COL22A1: variants seen among roughly 807,000 people sequenced by gnomAD.
COL22A1 encodes collagen alpha-1(XXII) chain.
Under a neutral mutation model 248.9 loss-of-function variants are expected in COL22A1, and 221 were observed. The ratio of observed to expected loss-of-function variants is 0.89; its 90% confidence interval spans 0.80 to 0.99. COL22A1 has a LOEUF of 0.99. Ranked by LOEUF, COL22A1 falls within the 50% of genes least tolerant of loss-of-function variation. COL22A1 has a pLI of 0.00. For synonymous variants in COL22A1, 891 were observed against 793.4 expected, an observed-to-expected ratio of 1.12 and a Z score of -2.07; for missense variants, 2,240 against 2,179.0, an observed-to-expected ratio of 1.03 and a Z score of -0.56.
At chr8:138,813,384 T>C (rs1818405902) in intron 7 of COL22A1, among the ~76,000 whole-genome samples, 1 of 152,226 alleles carries the variant, frequency 6.6e-6, no homozygotes, top group South Asian at 2.1e-4. Flanking sequence ...CTGATGGTTT[T>C]ATAAGGGGTT....
At chr8:138,606,339 TG>T in intron 58 of COL22A1, 41 bp downstream of exon 58, 1 of 1,570,180 alleles carries the variant, frequency 6.4e-7, no homozygotes, top group Non-Finnish European at 8.7e-7. Flanking sequence ...CATCACTACC[TG>T]GAGCCAGGTA....
At chr8:138,645,119 C>T (rs1822085084) in intron 47 of COL22A1, among the ~76,000 whole-genome samples, 2 of 152,184 alleles carry the variant, frequency 1.3e-5, no homozygotes, top group Non-Finnish European at 2.9e-5. Flanking sequence ...TTTGATTTTG[C>T]CCATCCTCAA....
rs372881240 is a variant in COL22A1 at position 138,863,263 on chromosome 8, T to C, written c.658+14487A>G. ...CTTGGACATGCCTCAGCCCAGGCCC[T>C]GTTGCCCATCTAGGGACAGCATAGC... On this transcript the variant is annotated intron_variant, in intron 3 of 64. Transcript: ENST00000303045. Among the ~76,000 whole-genome samples, 9 of 152,336 alleles carry C rather than the reference T, an allele frequency of 5.9e-5. No homozygotes were observed. In the East Asian group the frequency reaches 1.7e-3, roughly 29 times the overall value.
At chr8:138,900,140 G>A (rs1814434789) in intron 1 of COL22A1, among the ~76,000 whole-genome samples, 1 of 152,198 alleles carries the variant, frequency 6.6e-6, no homozygotes. Context: ...CCCAGAAGGG[G>A]TAGAATAGGG....
chr8:138,589,171 C>A lies in COL22A1; in HGVS notation c.*82G>T, dbSNP rs1024604292. On this transcript the variant is annotated 3_prime_UTR_variant, in exon 65 of 65. Coordinates refer to ENST00000303045, the MANE Select transcript of COL22A1 (RefSeq NM_152888.3). ...AAAAAAAGGAACACATGGCTGAAGT[C>A]TTTCAAGACCTCTGGCTTCCCACTG... 3.0e-6 allele frequency: 4 copies of A among 1,328,430 alleles called. No homozygotes were observed. The African/African-American group carries it at 6.0e-5, about 20-fold the overall frequency. 82.3% of individuals were successfully genotyped at this position (1,328,430 alleles called of 1,614,324 possible). A position where few individuals can be genotyped will look rare whatever the true frequency, so the allele number is the denominator to read the frequency against.
At chr8:138,626,110 G>A (rs1262475514) in intron 51 of COL22A1, 80 bp downstream of exon 51, 1 of 1,106,554 alleles carries the variant, frequency 9.0e-7, no homozygotes, top group African/African-American at 1.6e-5. Flanking sequence ...TTTTGACAGT[G>A]GAATATATTT....
At position 138,826,486 on chromosome 8, in the gene COL22A1, G is replaced by C. The variant is rs562450544; in HGVS notation, c.969+172C>G. 6.6e-5 allele frequency among the ~76,000 whole-genome samples: 10 copies of C among 152,232 alleles called. No homozygotes were observed. In the East Asian group the frequency reaches 1.5e-3, roughly 24 times the overall value. ...ATTAGGACAAGAAGCTAGACCTCTT[G>C]GGTCTCATGACATCCCCCCTGCAGG... is the stretch of plus-strand genomic sequence containing the variant. On this transcript the variant is annotated intron_variant, in intron 6 of 64. Coordinates refer to ENST00000303045, the MANE Select transcript of COL22A1 (RefSeq NM_152888.3).
chr8:138,844,378 T>C (rs1294483119), intron 3 of COL22A1, among the ~76,000 whole-genome samples: 1 of 152,240 alleles, frequency 6.6e-6, no homozygotes, highest in Admixed American at 6.5e-5. Flanking sequence ...TGTTCTGTAC[T>C]GGGGTGAAAT....
chr8:138,654,051 A>C (rs761975611), intron 45 of COL22A1, among the ~76,000 whole-genome samples: 1 of 152,120 alleles, frequency 6.6e-6, no homozygotes, highest in Non-Finnish European at 1.5e-5. Context: ...TATTGATTTG[A>C]CTAAATATCT....
intron 3 of COL22A1, among the ~76,000 whole-genome samples, chr8:138,864,392 C>G (rs1037827763): frequency 4.0e-5 from 6 of 151,522 alleles, no homozygotes; most frequent in Non-Finnish European, 8.8e-5. Context: ...CAAGACCAAG[C>G]AGGAGTTACG....
intron 15 of COL22A1, among the ~76,000 whole-genome samples, chr8:138,777,262 G>A (rs1035350218): frequency 6.6e-6 from 1 of 152,176 alleles, no homozygotes; most frequent in Non-Finnish European, 1.5e-5. Flanking sequence ...GAGAGTACAG[G>A]GCCAAGGCCA....
In COL22A1 at chr8:138,724,599, G is replaced by A; in HGVS notation, c.2247+16C>T. On this transcript the variant is annotated intron_variant, in intron 25 of 64. Coordinates refer to ENST00000303045, the MANE Select transcript of COL22A1 (RefSeq NM_152888.3). The stretch of plus-strand genomic sequence containing the variant: ...AGAGGGAGGAGGGGAGCAGGAAGAT[G>A]TTTCCGAACACTCACCGTGGGCCCA... The A allele has an allele frequency of 1.2e-6, 2 of 1,613,400 alleles. No individual in the cohort carries two copies. Among genetic ancestry groups the A allele is most frequent in the African/African-American group, 1.3e-5 (1 of 75,042 alleles).
intron 56 of COL22A1, among the ~76,000 whole-genome samples, chr8:138,609,256 C>T (rs913119894): frequency 2.6e-5 from 4 of 152,212 alleles, no homozygotes; most frequent in Non-Finnish European, 5.9e-5. Flanking sequence ...AAGCCACCTG[C>T]CTGCGAGGCA....
intron 37 of COL22A1, among the ~76,000 whole-genome samples, chr8:138,685,666 G>A (rs950047743): frequency 3.9e-5 from 6 of 152,084 alleles, no homozygotes; most frequent in African/African-American, 7.2e-5. Context: ...GAGGCAAGAG[G>A]ACACAAATAC....
At chr8:138,661,929 G>T (rs770112634) in intron 43 of COL22A1, 101 bp downstream of exon 43, 7 of 777,422 alleles carry the variant, frequency 9.0e-6, no homozygotes, top group Non-Finnish European at 1.4e-5. Context: ...GGGCTACAAA[G>T]TTGGCCACAT....
intron 36 of COL22A1, among the ~76,000 whole-genome samples, chr8:138,690,037 A>G (rs905501111): frequency 1.3e-5 from 2 of 152,204 alleles, no homozygotes; most frequent in Non-Finnish European, 2.9e-5. Flanking sequence ...GAATGAACAC[A>G]TATTCCTCCA....
At chr8:138,823,281 C>T (rs1191027328) in intron 6 of COL22A1, among the ~76,000 whole-genome samples, 1 of 152,142 alleles carries the variant, frequency 6.6e-6, no homozygotes, top group African/African-American at 2.4e-5. Flanking sequence ...ATTTGCCAGG[C>T]ACTGTTCTAA....
Position 138,883,357 on chromosome 8 carries a change from C to T in COL22A1, c.-72-113G>A, listed in dbSNP as rs536185305. 51 of 612,890 alleles carry T rather than the reference C, an allele frequency of 8.3e-5. No individual in the cohort carries two copies. The African/African-American group carries it at 9.1e-4, about 11-fold the overall frequency. 38.0% of individuals were successfully genotyped at this position (612,890 alleles called of 1,614,324 possible). On this transcript the variant is annotated intron_variant, in intron 1 of 64. Coordinates refer to ENST00000303045, the MANE Select transcript of COL22A1 (RefSeq NM_152888.3). Reference sequence around the variant, plus strand: ...TACACCCAGCCTTCCAACCCATCTTCCCTCCCGGATTCAACTCCAGGCAGC... The same window carrying T: ...TACACCCAGCCTTCCAACCCATCTTTCCTCCCGGATTCAACTCCAGGCAGC...
chr8:138,665,150 A>G (rs965942585), intron 41 of COL22A1, among the ~76,000 whole-genome samples: 2 of 152,204 alleles, frequency 1.3e-5, no homozygotes, highest in Admixed American at 6.5e-5. Context: ...TTTGGGCACT[A>G]GAGAAAGTAG....
Sources: allele counts gnomAD v4.1 joint callset (sites outside exome capture counted in the v4.1 genomes callset), GRCh38; gene constraint gnomAD v4.1.1; transcripts MANE v1.5; gene names NCBI Gene and HGNC (gene_info 2026-07-23, HGNC 2026-07-21).